The following TSR2 variants were observed in gnomAD, a reference collection of about 807,000 sequenced individuals.
TSR2 encodes pre-rRNA-processing protein TSR2 homolog.
A neutral mutation model predicts 13.3 loss-of-function variants in TSR2; 1 was observed. That is an observed-to-expected ratio of 0.08 (90% CI 0.03 to 0.36). The LOEUF is 0.36. Ranked by LOEUF, TSR2 falls within the 10% of genes least tolerant of loss-of-function variation. The pLI is 0.99. For missense variants in TSR2, 120 were observed against 151.1 expected (o/e 0.79, Z 1.08); for synonymous variants, 60 against 57.7 (o/e 1.04, Z -0.18).
chrX:54,444,621 T>C lies in TSR2; in HGVS notation c.*71T>C. ...AGAGTTGTCTGTAGGGGTTTTTTTT[T>C]TGAGGATTGCAGACCTGTGGACTGG... On this transcript the variant is annotated 3_prime_UTR_variant, in exon 5 of 5. Coordinates refer to ENST00000375151, the MANE Select transcript of TSR2 (RefSeq NM_058163.3). 1 of 1,077,094 alleles carries C rather than the reference T, an allele frequency of 9.3e-7. No individual in the cohort carries two copies. The highest frequency in any genetic ancestry group is 1.3e-6 in the Non-Finnish European group (1 of 797,957). The allele number at this position is 1,077,094 out of a possible 1,213,427, so 88.8% of individuals were successfully genotyped here.
At position 54,445,961 on chromosome X, in the gene TSR2, A is replaced by G; in HGVS notation, c.*1411A>G. ...CCACGTTTTGTGAAAAGATGAATTA[A>G]AAAACCCAAGACCCAGCATTCGGGA... On this transcript the variant is annotated 3_prime_UTR_variant, in exon 5 of 5. Coordinates refer to ENST00000375151, the MANE Select transcript of TSR2 (RefSeq NM_058163.3). The G allele has an allele frequency of 2.2e-6, 1 of 453,822 alleles. No individual in the cohort carries two copies. Among genetic ancestry groups the G allele is most frequent in the Non-Finnish European group, 3.8e-6 (1 of 264,498 alleles). 37.4% of individuals were successfully genotyped at this position (453,822 alleles called of 1,213,427 possible). A position where few individuals can be genotyped will look rare whatever the true frequency, so the allele number is the denominator to read the frequency against.
Position 54,447,841 on chromosome X carries a change from G to A in TSR2, c.*3291G>A, listed in dbSNP as rs1459335752. Reference sequence around the variant, plus strand: ...TAATCTAGCATTGTGGTTTTAAGGGGGTATGTGGGTGGTTAATGAAGTCTG... The same window carrying A: ...TAATCTAGCATTGTGGTTTTAAGGGAGTATGTGGGTGGTTAATGAAGTCTG... On this transcript the variant is annotated 3_prime_UTR_variant, in exon 5 of 5. Transcript: ENST00000375151. Among the ~76,000 whole-genome samples, 1 of 111,945 alleles carries A rather than the reference G, an allele frequency of 8.9e-6. No homozygotes were observed. The highest frequency in any genetic ancestry group is 9.5e-5 in the Admixed American group (1 of 10,505).
Position 54,444,594 on chromosome X carries a change from TAA to T in TSR2, c.*45_*46del, listed in dbSNP as rs775050524. 3.4e-6 allele frequency: 4 copies of T among 1,178,316 alleles called. No individual in the cohort carries two copies. The highest frequency in any genetic ancestry group is 2.3e-5 in the Admixed American group (1 of 42,647). On this transcript the variant is annotated 3_prime_UTR_variant, in exon 5 of 5. Transcript: ENST00000375151. ...GGCTTTGGGCCCTTATTTGCTGTTC[TAA>T]GAGTTGTCTGTAGGGGTTTTTTTTT...
chrX:54,441,155 TG>T (rs1398997327), intron 2 of TSR2, among the ~76,000 whole-genome samples: 2 of 112,577 alleles, frequency 1.8e-5, no homozygotes, highest in African/African-American at 6.4e-5. Context: ...GTAAACTCGG[TG>T]TGTATGAAAT....
In TSR2 at chrX:54,445,321, T is replaced by G. The variant is rs191606998; in HGVS notation, c.*771T>G. On this transcript the variant is annotated 3_prime_UTR_variant, in exon 5 of 5. Coordinates refer to ENST00000375151, the MANE Select transcript of TSR2 (RefSeq NM_058163.3). Reference sequence around the variant, plus strand: ...AATCTGTGGCTTGACCTGTGAGTAGTAGCCTTAGAATCAGCCTTCTGGGAG... The same window carrying G: ...AATCTGTGGCTTGACCTGTGAGTAGGAGCCTTAGAATCAGCCTTCTGGGAG... The G allele has an allele frequency of 4.0e-4, 44 of 111,123 alleles. No individual in the cohort carries two copies. The highest frequency in any genetic ancestry group is 1.4e-3 in the African/African-American group (43 of 30,602). 9.2% of individuals were successfully genotyped at this position (111,123 alleles called of 1,213,427 possible).
chrX:54,443,504 C>T lies in TSR2; in HGVS notation c.264+13C>T, dbSNP rs368362985. On this transcript the variant is annotated intron_variant, in intron 3 of 4. Transcript: ENST00000375151. ...GAGTCTGCCCCAGGTGAGCTTATCA[C>T]GGGCACAACTGCAGTCTCCCTACCT... The T allele has an allele frequency of 8.2e-5, 94 of 1,143,128 alleles. 1 individual carries two copies. In the Middle Eastern group the frequency reaches 1.5e-3, roughly 18 times the overall value. 94.2% of individuals were successfully genotyped at this position (1,143,128 alleles called of 1,213,427 possible).
chrX:54,446,661 C>G lies in TSR2; in HGVS notation c.*2111C>G, dbSNP rs1922195050. ...TCTCACAAAACTGCTGGGCTAGTCT[C>G]TTTAGCATACCAAATAATGTTTTCA... On this transcript the variant is annotated 3_prime_UTR_variant, in exon 5 of 5. Coordinates refer to ENST00000375151, the MANE Select transcript of TSR2 (RefSeq NM_058163.3). 9.5e-6 allele frequency among the ~76,000 whole-genome samples: 1 copy of G among 105,131 alleles called. No individual in the cohort carries two copies. Among genetic ancestry groups the G allele is most frequent in the Non-Finnish European group, 2.0e-5 (1 of 51,181 alleles). The allele number at this position is 105,131 out of a possible 115,157, so 91.3% of individuals were successfully genotyped here. A position where few individuals can be genotyped will look rare whatever the true frequency, so the allele number is the denominator to read the frequency against.
In TSR2 at chrX:54,446,993, G is replaced by C. The variant is rs1451860533; in HGVS notation, c.*2443G>C. ...CCTGCCTCGGCCTCTCAGAGTGCTG[G>C]GATTACAGGCGTGAGCCACTGCGCT... On this transcript the variant is annotated 3_prime_UTR_variant, in exon 5 of 5. Coordinates refer to ENST00000375151, the MANE Select transcript of TSR2 (RefSeq NM_058163.3). Among the ~76,000 whole-genome samples the C allele has an allele frequency of 1.8e-5, 2 of 111,053 alleles. No homozygotes were observed. Among genetic ancestry groups the C allele is most frequent in the African/African-American group, 6.6e-5 (2 of 30,523 alleles).
At position 54,447,124 on chromosome X, in the gene TSR2, A is replaced by T. The variant is rs756157024; in HGVS notation, c.*2574A>T. ...CACAACTCATCCTGGTTTTCCCTAC[A>T]TACCACAACCACTCCTTGTCTCTAG... On this transcript the variant is annotated 3_prime_UTR_variant, in exon 5 of 5. Coordinates refer to ENST00000375151, the MANE Select transcript of TSR2 (RefSeq NM_058163.3). 8.9e-6 allele frequency among the ~76,000 whole-genome samples: 1 copy of T among 111,766 alleles called. No homozygotes were observed. The highest frequency in any genetic ancestry group is 3.8e-4 in the South Asian group (1 of 2,666).
Position 54,440,466 on chromosome X carries a change from G to C in TSR2, c.45G>C (p.Gly15=). ...ATGCGCGAGCTCTTTTCCGGGCTGG[G>C]GTCTGCGCGGCCCTGGAGGCCTGGC... ...AEDARALFRA[G]VCAALEAWPA... Residue 15 remains glycine (G), a synonymous_variant, in exon 1 of 5, where the codon GGG becomes GGC. Transcript: ENST00000375151. 2 of 1,134,333 alleles carry C rather than the reference G, an allele frequency of 1.8e-6. No homozygotes were observed. Among genetic ancestry groups the C allele is most frequent in the Non-Finnish European group, 2.3e-6 (2 of 860,336 alleles). 93.5% of individuals were successfully genotyped at this position (1,134,333 alleles called of 1,213,427 possible). A position where few individuals can be genotyped will look rare whatever the true frequency, so the allele number is the denominator to read the frequency against.
Position 54,443,389 on chromosome X carries a change from T to C in TSR2, c.173-11T>C, listed in dbSNP as rs1396024605. The C allele has an allele frequency of 8.3e-7, 1 of 1,198,206 alleles. No individual in the cohort carries two copies. ...GTCTTTGACCCAAGGGCCCTGTCCT[T>C]TTCTACTTAGCTGACTTGGAGCTAG... On this transcript the variant is annotated splice_polypyrimidine_tract_variant and intron_variant, in intron 2 of 4. Transcript: ENST00000375151.
rs149370811 is a variant in TSR2, at chrX:54,447,999, G to A, written c.*3449G>A. 0.011 allele frequency among the ~76,000 whole-genome samples: 1,232 copies of A among 111,377 alleles called. 16 individuals are homozygous for A. Among genetic ancestry groups the A allele is most frequent in the African/African-American group, 0.039 (1,192 of 30,647 alleles). Reference sequence around the variant, plus strand: ...GCACAGAGTAAGTACTCTTTTAAGTGTTAAATAAATACCTAGATTTGTTTT... The same window carrying A: ...GCACAGAGTAAGTACTCTTTTAAGTATTAAATAAATACCTAGATTTGTTTT... On this transcript the variant is annotated 3_prime_UTR_variant, in exon 5 of 5. Transcript: ENST00000375151.
chrX:54,446,634 C>T lies in TSR2; in HGVS notation c.*2084C>T, dbSNP rs969449362. 9.3e-6 allele frequency among the ~76,000 whole-genome samples: 1 copy of T among 107,525 alleles called. No homozygotes were observed. The highest frequency in any genetic ancestry group is 1.9e-5 in the Non-Finnish European group (1 of 51,910). 93.4% of individuals were successfully genotyped at this position (107,525 alleles called of 115,157 possible). A position where few individuals can be genotyped will look rare whatever the true frequency, so the allele number is the denominator to read the frequency against. ...TACCTGTCTCCCCCCACCCCCGCCTCTTCTCACAAAACTGCTGGGCTAGTC... is the reference window on the plus strand; with the variant it reads ...TACCTGTCTCCCCCCACCCCCGCCTTTTCTCACAAAACTGCTGGGCTAGTC... On this transcript the variant is annotated 3_prime_UTR_variant, in exon 5 of 5. Transcript: ENST00000375151.
Position 54,440,471 on chromosome X carries a change from G to A in TSR2, c.50G>A (p.Cys17Tyr). The change falls in exon 1 of 5, where the codon TGC becomes TAC. Residue 17 changes from cysteine (C) to tyrosine (Y), a missense_variant. Cys to Tyr is a radical substitution (Grantham distance 194). Around this residue, in one of 3 missense-constraint regions of TSR2, gnomAD observed 53 missense variants for 52.3 expected, o/e 1.01. Coordinates refer to ENST00000375151, the MANE Select transcript of TSR2 (RefSeq NM_058163.3). ...DARALFRAGV[C>Y]AALEAWPALQ... is the part of the protein sequence containing the mutation. ...CGAGCTCTTTTCCGGGCTGGGGTCT[G>A]CGCGGCCCTGGAGGCCTGGCCGGCC... 8.8e-7 allele frequency: 1 copy of A among 1,135,148 alleles called. No individual in the cohort carries two copies. The highest frequency in any genetic ancestry group is 1.2e-6 in the Non-Finnish European group (1 of 860,381). 93.5% of individuals were successfully genotyped at this position (1,135,148 alleles called of 1,213,427 possible). A position where few individuals can be genotyped will look rare whatever the true frequency, so the allele number is the denominator to read the frequency against.
At chrX:54,441,464 G>C (rs1921936004) in intron 2 of TSR2, among the ~76,000 whole-genome samples, 1 of 111,777 alleles carries the variant, frequency 8.9e-6, no homozygotes, top group Admixed American at 9.5e-5. Context: ...TCTCTCTCAA[G>C]AAAGTATACT....
chrX:54,440,534 G>A (rs773619785), intron 1 of TSR2, 32 bp downstream of exon 1: 38 of 1,144,663 alleles, frequency 3.3e-5, no homozygotes, highest in Non-Finnish European at 4.3e-5. Context: ...GCAAGGTCAA[G>A]GTTAGGGCCC....
Position 54,444,177 on chromosome X carries a change from A to G in TSR2, c.434A>G (p.Glu145Gly). The part of the protein sequence containing the change: ...EDEDDVDSVE[E>G]MEVTATNDGA... ...GAAGATGATGTGGACAGTGTGGAAG[A>G]GATGGAGGTGAAGTGGGTGCCCCCT... is the stretch of plus-strand genomic sequence containing the variant. The change falls in exon 4 of 5, where the codon GAG (glutamate) becomes GGG (glycine). Residue 145 changes from glutamate to glycine, a missense_variant. Transcript: ENST00000375151. 1.7e-6 allele frequency: 2 copies of G among 1,203,895 alleles called. No homozygotes were observed. Among genetic ancestry groups the G allele is most frequent in the Non-Finnish European group, 2.2e-6 (2 of 890,148 alleles).
At chrX:54,443,523 C>T (rs1922004149) in intron 3 of TSR2, 32 bp downstream of exon 3, 1 of 1,036,558 alleles carries the variant, frequency 9.6e-7, no homozygotes. Context: ...CTGCAGTCTC[C>T]CTACCTGTAG....
chrX:54,441,876 T>C (rs1921951428), intron 2 of TSR2, among the ~76,000 whole-genome samples: 1 of 111,824 alleles, frequency 8.9e-6, no homozygotes, highest in Non-Finnish European at 1.9e-5. Flanking sequence ...CTAGTTCTGT[T>C]AGATGTTCAG....
Sources: gnomAD v4.1 joint callset for allele counts (sites outside exome capture counted in the v4.1 genomes callset) on GRCh38, gnomAD v4.1.1 for gene constraint, gnomAD v4.1.1 regional missense constraint, MANE v1.5 for transcripts, NCBI Gene and HGNC (gene_info 2026-07-23, HGNC 2026-07-21) for gene names.